The following CPED1 variants were observed in gnomAD, a reference collection of about 807,000 sequenced individuals.
The protein encoded by CPED1 is cadherin-like and PC-esterase domain-containing protein 1.
Under a neutral mutation model 128.2 loss-of-function variants are expected in CPED1, and 114 were observed. The ratio of observed to expected loss-of-function variants is 0.89; its 90% CI spans 0.76 to 1.04. The LOEUF is 1.04. Ranked by LOEUF, CPED1 falls within the 50% of genes least tolerant of loss-of-function variation. The probability of loss-of-function intolerance (pLI) is 0.00; values close to 1 mark genes in which losing one functional copy is unlikely to be tolerated. For synonymous variants in CPED1, 462 were observed against 426.7 expected, an observed-to-expected ratio of 1.08 and a Z score of -1.02; for missense variants, 1,211 against 1,207.1, an observed-to-expected ratio of 1.00 and a Z score of -0.05.
chr7:121,070,327 C>T (rs760902485), intron 5 of CPED1, among the ~76,000 whole-genome samples: 21 of 151,906 alleles, frequency 1.4e-4, no homozygotes, highest in Non-Finnish European at 2.8e-4. Context: ...TTAAAGTTTG[C>T]TTGTTCTCTG....
At position 121,100,040 on chromosome 7, in the gene CPED1, T is replaced by C; in HGVS notation, c.864T>C (p.Ile288=). 1 of 1,613,734 alleles carries C rather than the reference T, an allele frequency of 6.2e-7. No individual in the cohort carries two copies. Among genetic ancestry groups the C allele is most frequent in the Non-Finnish European group, 8.5e-7 (1 of 1,179,818 alleles). Residue 288 remains isoleucine, a synonymous_variant, in exon 7 of 23, where the codon ATT becomes ATC. Transcript: ENST00000310396. ...VTSLTPLRAF[I]HSTGTVWNPP... ...CCTTAACCCCTTTGCGTGCATTCAT[T>C]CATTCGACGGGCACAGTTTGGAATC...
At chr7:120,992,514 C>T (rs1032283530) in intron 2 of CPED1, among the ~76,000 whole-genome samples, 1 of 152,070 alleles carries the variant, frequency 6.6e-6, no homozygotes, top group African/African-American at 2.4e-5. Flanking sequence ...TGCTAAGAAC[C>T]ACTACAAATG....
In CPED1 at chr7:121,087,665, C is replaced by CTTTTTTTTTTTTTTTTTTTTTTTT. The variant is rs72453872; in HGVS notation, c.617-10033_617-10032insTTTTTTTTTTTTTTTTTTTTTTTT. ...GGATTCTTTCTTTTTCTTTTCTTTCCTGTTTTTTTTTTTTTGGCAGAGTCT... is the reference window on the plus strand; with the variant it reads ...GGATTCTTTCTTTTTCTTTTCTTTCCTTTTTTTTTTTTTTTTTTTTTTTTTGTTTTTTTTTTTTTGGCAGAGTCT... On this transcript the variant is annotated intron_variant, in intron 5 of 22. Transcript: ENST00000310396. 3.6e-4 allele frequency among the ~76,000 whole-genome samples: 48 copies of CTTTTTTTTTTTTTTTTTTTTTTTT among 131,544 alleles called. 7 individuals are homozygous for CTTTTTTTTTTTTTTTTTTTTTTTT. The highest frequency in any genetic ancestry group is 1.4e-3 in the African/African-American group (46 of 31,752). The allele number at this position is 131,544 out of a possible 152,430, so 86.3% of individuals were successfully genotyped here.
intron 3 of CPED1, among the ~76,000 whole-genome samples, chr7:121,029,186 C>G (rs1792670047): frequency 6.6e-6 from 1 of 152,010 alleles, no homozygotes; most frequent in South Asian, 2.1e-4. Flanking sequence ...AAATCTTTGT[C>G]CACATTCCTA....
chr7:121,112,965 G>T (rs1795149088), intron 7 of CPED1, among the ~76,000 whole-genome samples: 1 of 152,164 alleles, frequency 6.6e-6, no homozygotes, highest in African/African-American at 2.4e-5. Context: ...AGTGGGAAGT[G>T]GGGACGAGTA....
chr7:121,250,546 A>C (rs576010832), intron 18 of CPED1, among the ~76,000 whole-genome samples: 1 of 152,362 alleles, frequency 6.6e-6, no homozygotes, highest in South Asian at 2.1e-4. Flanking sequence ...GGTTTTTTGA[A>C]AAGATCAACA....
rs114308298 is a variant in CPED1 at position 121,084,050 on chromosome 7, A to G, written c.617-13649A>G. ...GTTTGGTGAGACTCATGTTTTTAAG[A>G]CTCACTAACCTGGAGATAGAACTTG... is the stretch of plus-strand genomic sequence containing the variant. On this transcript the variant is annotated intron_variant, in intron 5 of 22. Transcript: ENST00000310396. Among the ~76,000 whole-genome samples the G allele has an allele frequency of 7.8e-3, 1,191 of 152,242 alleles. 16 individuals carry two copies. The highest frequency in any genetic ancestry group is 0.027 in the African/African-American group (1,107 of 41,528).
chr7:121,117,084 T>TATATATATAA (rs1563031997), intron 7 of CPED1, among the ~76,000 whole-genome samples: 1 of 143,224 alleles, frequency 7.0e-6, no homozygotes, highest in African/African-American at 2.6e-5. Flanking sequence ...ACATTATATA[T>TATATATATAA]ATATATATAT....
At chr7:121,159,369 T>G (rs1270122100) in intron 16 of CPED1, among the ~76,000 whole-genome samples, 1 of 152,094 alleles carries the variant, frequency 6.6e-6, no homozygotes, top group Non-Finnish European at 1.5e-5. Flanking sequence ...GAGTTGAGAT[T>G]ATAATTTGGG....
At chr7:121,101,993 G>A (rs554545594) in intron 7 of CPED1, among the ~76,000 whole-genome samples, 22 of 152,178 alleles carry the variant, frequency 1.4e-4, no homozygotes, top group Non-Finnish European at 3.1e-4. Flanking sequence ...CTATAGCTTT[G>A]TTGCTGTCTC....
At position 121,128,236 on chromosome 7, in the gene CPED1, G is replaced by A. The variant is rs764670755; in HGVS notation, c.1303-146G>A. The A allele has an allele frequency of 2.5e-4, 145 of 570,126 alleles. 1 individual carries two copies. Among genetic ancestry groups the A allele is most frequent in the Non-Finnish European group, 3.9e-4 (121 of 311,420 alleles). The allele number at this position is 570,126 out of a possible 1,614,324, so 35.3% of individuals were successfully genotyped here. A position where few individuals can be genotyped will look rare whatever the true frequency, so the allele number is the denominator to read the frequency against. On this transcript the variant is annotated intron_variant, in intron 10 of 22. Coordinates refer to ENST00000310396, the MANE Select transcript of CPED1 (RefSeq NM_024913.5). Reference sequence around the variant, plus strand: ...TATTCAGACACCACTGTGACAAGTTGAAGTTGCTATGTATTATTTAACATT... The same window carrying A: ...TATTCAGACACCACTGTGACAAGTTAAAGTTGCTATGTATTATTTAACATT...
intron 3 of CPED1, among the ~76,000 whole-genome samples, chr7:121,017,696 C>T (rs1319518653): frequency 6.6e-6 from 1 of 152,128 alleles, no homozygotes; most frequent in Non-Finnish European, 1.5e-5. Flanking sequence ...CTTTAGTTTT[C>T]TATTTTCTCC....
chr7:121,233,914 G>A (rs1478768419), intron 16 of CPED1, among the ~76,000 whole-genome samples: 1 of 151,940 alleles, frequency 6.6e-6, no homozygotes, highest in African/African-American at 2.4e-5. Flanking sequence ...TTCTGCCTAT[G>A]GTTGCTTCAT....
chr7:121,207,292 G>C (rs1166379590), intron 16 of CPED1, among the ~76,000 whole-genome samples: 1 of 151,996 alleles, frequency 6.6e-6, no homozygotes, highest in Non-Finnish European at 1.5e-5. Context: ...AATTTTAAGT[G>C]AGAATTTTAA....
intron 2 of CPED1, among the ~76,000 whole-genome samples, chr7:121,005,824 GC>G (rs1370783032): frequency 6.6e-6 from 1 of 152,116 alleles, no homozygotes; most frequent in African/African-American, 2.4e-5. Context: ...ATTTTGGAAT[GC>G]TTTTGTCTAA....
intron 2 of CPED1, among the ~76,000 whole-genome samples, chr7:121,000,420 TAA>T (rs1161328026): frequency 6.6e-6 from 1 of 152,138 alleles, no homozygotes; most frequent in African/African-American, 2.4e-5. Flanking sequence ...ATAAGGATCT[TAA>T]AAAATTTTAT....
chr7:121,256,138 AAAAC>A, intron 18 of CPED1, among the ~76,000 whole-genome samples: 1 of 148,964 alleles, frequency 6.7e-6, no homozygotes, highest in African/African-American at 2.5e-5. Context: ...ACAAAAAAAA[AAAAC>A]AAAGCTTATG....
chr7:121,132,507 C>G lies in CPED1; in HGVS notation c.1578-1316C>G, dbSNP rs116692824. 6.7e-3 allele frequency among the ~76,000 whole-genome samples: 1,015 copies of G among 152,080 alleles called. 11 individuals are homozygous for G. The highest frequency in any genetic ancestry group is 0.023 in the African/African-American group (943 of 41,514). ...CAACGAGGTGAGAAAGTCAGGAAAG[C>G]TTGACAATACCAGGTAATAGTTATA... is the stretch of plus-strand genomic sequence containing the variant. On this transcript the variant is annotated intron_variant, in intron 12 of 22. Coordinates refer to ENST00000310396, the MANE Select transcript of CPED1 (RefSeq NM_024913.5).
chr7:121,051,403 G>C (rs1333865120), intron 4 of CPED1: 2 of 459,848 alleles, frequency 4.3e-6, no homozygotes, highest in Non-Finnish European at 7.8e-6. Context: ...TCATTTGCTG[G>C]TTGTTTATTT....
Sources: gnomAD v4.1 joint callset for allele counts (sites outside exome capture counted in the v4.1 genomes callset) on GRCh38, gnomAD v4.1.1 for gene constraint, MANE v1.5 for transcripts, NCBI Gene and HGNC (gene_info 2026-07-23, HGNC 2026-07-21) for gene names.